Variants in WRAP73 observed in about 807,000 individuals in gnomAD.
WRAP73 encodes the protein WD repeat containing, antisense to TP73.
A neutral mutation model predicts 59.6 loss-of-function variants in WRAP73; 55 were observed. The ratio of observed to expected loss-of-function variants is 0.92; its 90% CI spans 0.74 to 1.15. WRAP73 has a LOEUF of 1.15. Among genes scored for constraint, WRAP73 ranks in the 50% most tolerant of loss-of-function variants. The probability of loss-of-function intolerance (pLI) is 0.00; values close to 1 mark genes in which losing one functional copy is unlikely to be tolerated. For synonymous variants in WRAP73, 265 were observed against 258.2 expected (o/e 1.03, Z -0.25); for missense variants, 592 against 608.1 (o/e 0.97, Z 0.28).
chr1:3,634,925 A>G (rs1644574775), intron 8 of WRAP73, 72 bp downstream of exon 8: 1 of 1,542,936 alleles, frequency 6.5e-7, no homozygotes, highest in African/African-American at 1.4e-5. Flanking sequence ...TCAAGAAAGC[A>G]AAGTGAAGGA....
At position 3,633,409 on chromosome 1, in the gene WRAP73, G is replaced by C; in HGVS notation, c.911C>G (p.Ser304Ter). ...PRAGAGPLPSSESKYEIASVP... is the reference protein window; with the variant it reads ...PRAGAGPLPS ...CATGTGCTACTTACATTTACTCTCT[G>C]AGCTCGGGAGAGGGCCGGCCCCGGC... Residue 304 changes from serine to a stop codon, truncating the protein, a stop_gained, in exon 9 of 12, where the codon TCA (serine) becomes TGA (stop). Transcript: ENST00000270708. LOFTEE classifies it high-confidence loss of function. 1 of 1,612,838 alleles carries C rather than the reference G, an allele frequency of 6.2e-7. No individual in the cohort carries two copies. Among genetic ancestry groups the C allele is most frequent in the Non-Finnish European group, 8.5e-7 (1 of 1,179,908 alleles).
intron 10 of WRAP73, 91 bp from the exon 11 acceptor site, chr1:3,631,748 AG>A: frequency 1.4e-6 from 2 of 1,469,068 alleles, no homozygotes; most frequent in Non-Finnish European, 1.8e-6. Flanking sequence ...ACACCACAGG[AG>A]GGGAGGGGAA....
At chr1:3,632,579 G>A (rs1486316388) in intron 9 of WRAP73, 2 of 564,156 alleles carry the variant, frequency 3.5e-6, no homozygotes, top group Non-Finnish European at 6.3e-6. Context: ...TAGGTGGGGG[G>A]TGGACCCCAC....
At chr1:3,638,547 G>A (rs1381135443) in intron 4 of WRAP73, among the ~76,000 whole-genome samples, 2 of 152,156 alleles carry the variant, frequency 1.3e-5, no homozygotes, top group Non-Finnish European at 2.9e-5. Context: ...TTTTAAAAGG[G>A]GACTCTTGCC....
chr1:3,631,882 G>T, intron 10 of WRAP73: 1 of 1,346,412 alleles, frequency 7.4e-7, no homozygotes, highest in Non-Finnish European at 9.5e-7. Flanking sequence ...TTCTTTCTTT[G>T]GTATTTTTTT....
Position 3,635,059 on chromosome 1 carries a change from G to C in WRAP73, c.754C>G (p.His252Asp), listed in dbSNP as rs762569888. Reference protein sequence around the residue: ...SYDGKVRILNHVTWKMITEFG... With the variant: ...SYDGKVRILNDVTWKMITEFG... ...TCCGTGATCATTTTCCAAGTCACGT[G>C]ATTAAGGATGCGCACCTGAGGAAGG... The change falls in exon 8 of 12, where the codon CAC becomes GAC. Residue 252 changes from histidine (H) to aspartate (D), a missense_variant. Coordinates refer to ENST00000270708, the MANE Select transcript of WRAP73 (RefSeq NM_017818.4). The C allele has an allele frequency of 6.2e-7, 1 of 1,614,208 alleles. No individual in the cohort carries two copies. Among genetic ancestry groups the C allele is most frequent in the Non-Finnish European group, 8.5e-7 (1 of 1,180,040 alleles).
At chr1:3,635,450 T>G (rs1644580923) in intron 6 of WRAP73, 156 bp from the exon 7 acceptor site, 6 of 969,438 alleles carry the variant, frequency 6.2e-6, no homozygotes, top group Non-Finnish European at 9.1e-6. Context: ...CAGCTAGTAC[T>G]GAGATAGTCA....
Position 3,647,440 on chromosome 1 carries a change from G to C in WRAP73, c.190C>G (p.Leu64Val). ...IEWSADSLFILCAMYKRGLVQ... is the reference protein window; with the variant it reads ...IEWSADSLFIVCAMYKRGLVQ... ...AGCCCTCGCTTGTACATGGCGCACAGGATGAAGAGCGAGTCTGCCGACCAC... is the reference window on the plus strand; with the variant it reads ...AGCCCTCGCTTGTACATGGCGCACACGATGAAGAGCGAGTCTGCCGACCAC... The change falls in exon 2 of 12, where the codon CTG (leucine) becomes GTG (valine). Residue 64 changes from leucine to valine, a missense_variant. Coordinates refer to ENST00000270708, the MANE Select transcript of WRAP73 (RefSeq NM_017818.4). The C allele has an allele frequency of 6.2e-7, 1 of 1,613,850 alleles. No individual in the cohort carries two copies. Among genetic ancestry groups the C allele is most frequent in the Non-Finnish European group, 8.5e-7 (1 of 1,179,900 alleles).
At chr1:3,637,182 G>A (rs1342796552) in intron 4 of WRAP73, 84 bp from the exon 5 acceptor site, 3 of 1,199,920 alleles carry the variant, frequency 2.5e-6, no homozygotes, top group African/African-American at 3.0e-5. Context: ...CAAGGAAGGA[G>A]GAGGAAAAGA....
In WRAP73 at chr1:3,647,440, G is replaced by A. The variant is rs772152845; in HGVS notation, c.190C>T (p.Leu64=). The part of the protein sequence containing the change: ...IEWSADSLFI[L]CAMYKRGLVQ... The stretch of plus-strand genomic sequence containing the variant: ...AGCCCTCGCTTGTACATGGCGCACA[G>A]GATGAAGAGCGAGTCTGCCGACCAC... Residue 64 remains leucine, a synonymous_variant, in exon 2 of 12, where the codon CTG becomes TTG. Coordinates refer to ENST00000270708, the MANE Select transcript of WRAP73 (RefSeq NM_017818.4). 9.9e-6 allele frequency: 16 copies of A among 1,613,732 alleles called. No homozygotes were observed. The highest frequency in any genetic ancestry group is 1.6e-4 in the Middle Eastern group (1 of 6,084).
rs748772600 is a variant in WRAP73 at position 3,646,729 on chromosome 1, G to A, written c.276C>T (p.Ala92=). 24 of 1,610,928 alleles carry A rather than the reference G, an allele frequency of 1.5e-5. No homozygotes were observed. The highest frequency in any genetic ancestry group is 6.6e-5 in the South Asian group (6 of 90,936). The stretch of plus-strand genomic sequence containing the variant: ...GGCTCCAGCACGAGGCCACCAGCCC[G>A]GCTGAGCCCTCGTCTATTTTGCAGT... ...EWHCKIDEGS[A]GLVASCWSPD... is the part of the protein sequence containing the mutation. Residue 92 remains alanine, a synonymous_variant, in exon 3 of 12, where the codon GCC becomes GCT. Transcript: ENST00000270708. This position sits in a 1 kb window ranked among gnomAD's most constrained non-coding sequence, Gnocchi z 5.1.
chr1:3,636,697 C>T, intron 5 of WRAP73: 2 of 431,898 alleles, frequency 4.6e-6, no homozygotes, highest in Non-Finnish European at 8.8e-6. Context: ...CACGTCCCCC[C>T]AACTCCCGAC....
chr1:3,631,545 C>G lies in WRAP73; in HGVS notation c.1161G>C (p.Arg387=). 6.2e-7 allele frequency: 1 copy of G among 1,610,866 alleles called. No homozygotes were observed. Among genetic ancestry groups the G allele is most frequent in the Non-Finnish European group, 8.5e-7 (1 of 1,179,392 alleles). Residue 387 remains arginine (R), a synonymous_variant, in exon 11 of 12, where the codon CGG becomes CGC. Coordinates refer to ENST00000270708, the MANE Select transcript of WRAP73 (RefSeq NM_017818.4). ...RAFQWDPQQP[R]LAICTGGSRL... is the part of the protein sequence containing the mutation. ...TGCTGCCTCCCGTGCAGATGGCCAG[C>G]CGCGGCTGCTGCGGGTCCCACTGAA...
chr1:3,641,822 A>C (rs767978000), intron 3 of WRAP73, among the ~76,000 whole-genome samples: 1 of 152,238 alleles, frequency 6.6e-6, no homozygotes, highest in African/African-American at 2.4e-5. Context: ...CAACATACAC[A>C]CTCAAGTTTA....
chr1:3,647,276 A>G (rs184661663), intron 2 of WRAP73, 132 bp downstream of exon 2: 21 of 979,374 alleles, frequency 2.1e-5, no homozygotes, highest in Middle Eastern at 3.4e-4. Context: ...AGAGAACGTT[A>G]TAATTTCAAA....
chr1:3,641,386 C>A (rs1391060386), intron 3 of WRAP73, among the ~76,000 whole-genome samples: 4 of 152,220 alleles, frequency 2.6e-5, no homozygotes, highest in Non-Finnish European at 5.9e-5. Context: ...CACGACCCAG[C>A]ACTCTCTCCA....
Position 3,635,182 on chromosome 1 carries a change from G to GC in WRAP73, c.715dup (p.Ala239GlyfsTer6). 1 of 1,614,102 alleles carries GC rather than the reference G, an allele frequency of 6.2e-7. No homozygotes were observed. The highest frequency in any genetic ancestry group is 8.5e-7 in the Non-Finnish European group (1 of 1,180,036). On this transcript the variant is annotated frameshift_variant, in exon 7 of 12. Transcript: ENST00000270708. LOFTEE classifies it high-confidence loss of function. Reference sequence around the variant, plus strand: ...CACCTTTCCATCATAGCTCCCAACTGCCAGGAACTGACTGCTGGGGCTCCA... The same window carrying GC: ...CACCTTTCCATCATAGCTCCCAACTGCCCAGGAACTGACTGCTGGGGCTCCA...
Position 3,633,419 on chromosome 1 carries a change from G to GAGGGCC in WRAP73, c.895_900dup (p.Gly299_Pro300dup). On this transcript the variant is annotated inframe_insertion, in exon 9 of 12. Transcript: ENST00000270708. ...TTACATTTACTCTCTGAGCTCGGGA[G>GAGGGCC]AGGGCCGGCCCCGGCCCGGGGCGGC... 5 of 1,612,866 alleles carry GAGGGCC rather than the reference G, an allele frequency of 3.1e-6. No homozygotes were observed. The highest frequency in any genetic ancestry group is 4.2e-6 in the Non-Finnish European group (5 of 1,179,894).
intron 9 of WRAP73, chr1:3,632,899 C>A (rs1644552384): frequency 9.5e-6 from 2 of 210,626 alleles, no homozygotes; most frequent in Admixed American, 5.3e-5. Flanking sequence ...GGCACCGCTT[C>A]CTCTACCTGC....
Sources: gnomAD v4.1 joint callset for allele counts (sites outside exome capture counted in the v4.1 genomes callset) on GRCh38, gnomAD v4.1.1 for gene constraint, Gnocchi (gnomAD v3.1) non-coding constraint, MANE v1.5 for transcripts, NCBI Gene and HGNC (gene_info 2026-07-23, HGNC 2026-07-21) for gene names.